WWC1: variants seen among roughly 807,000 people sequenced by gnomAD.
WWC1 encodes WW and C2 domain containing 1, also known as protein KIBRA.
In WWC1, 55 loss-of-function variants were observed where a neutral mutation model predicts 138.4. The observed-to-expected ratio is 0.40, with a 90% CI of 0.32 to 0.50. WWC1 has a LOEUF of 0.50. WWC1 is among the 20% of genes least tolerant of loss of function. The pLI, the probability that WWC1 is intolerant of heterozygous loss-of-function variation, is 0.72. For missense variants in WWC1, 1,226 were observed against 1,420.4 expected (o/e 0.86, Z 2.20); for synonymous variants, 524 against 564.9 (o/e 0.93, Z 1.03).
At chr5:168,310,409 T>C (rs1770965363) in intron 1 of WWC1, among the ~76,000 whole-genome samples, 1 of 151,246 alleles carries the variant, frequency 6.6e-6, no homozygotes, top group Non-Finnish European at 1.5e-5. Context: ...TGTGTGTATA[T>C]ATATATATAC....
At chr5:168,386,270 T>C (rs1778037608) in intron 3 of WWC1, among the ~76,000 whole-genome samples, 1 of 151,964 alleles carries the variant, frequency 6.6e-6, no homozygotes, top group African/African-American at 2.4e-5. Context: ...TCTGCTTGTA[T>C]GTTATCAGTA....
intron 1 of WWC1, among the ~76,000 whole-genome samples, chr5:168,310,404 GTA>G (rs372057282): frequency 1.6e-4 from 24 of 148,458 alleles, no homozygotes; most frequent in South Asian, 2.1e-4. Flanking sequence ...TTGTGTGTGT[GTA>G]TATATATATA....
intron 15 of WWC1, among the ~76,000 whole-genome samples, chr5:168,434,850 C>T (rs912038821): frequency 1.3e-5 from 2 of 152,196 alleles, no homozygotes; most frequent in South Asian, 2.1e-4. Context: ...CGGGCTCTCT[C>T]GAGCTAGCCT....
chr5:168,439,051 A>G (rs1211156036), intron 15 of WWC1, among the ~76,000 whole-genome samples: 1 of 152,088 alleles, frequency 6.6e-6, no homozygotes, highest in Non-Finnish European at 1.5e-5. Context: ...TTGTGCACAT[A>G]TGATCATGGT....
intron 15 of WWC1, among the ~76,000 whole-genome samples, chr5:168,437,763 T>C (rs1350577406): frequency 6.6e-6 from 1 of 152,210 alleles, no homozygotes; most frequent in Non-Finnish European, 1.5e-5. Flanking sequence ...TTAATAATAA[T>C]CTGCTGGAGG....
chr5:168,425,143 A>T (rs1781404188), intron 11 of WWC1, among the ~76,000 whole-genome samples: 1 of 152,212 alleles, frequency 6.6e-6, no homozygotes, highest in South Asian at 2.1e-4. Flanking sequence ...CACCCAGCCA[A>T]CAAGTGAGGA....
chr5:168,340,050 TTTC>T (rs1773916054), intron 1 of WWC1, among the ~76,000 whole-genome samples: 8 of 142,834 alleles, frequency 5.6e-5, no homozygotes, highest in African/African-American at 2.1e-4. Flanking sequence ...CTTTTCTTTC[TTTC>T]TTTCTTTTCT....
At chr5:168,294,374 A>G (rs1769334914) in intron 1 of WWC1, among the ~76,000 whole-genome samples, 1 of 152,190 alleles carries the variant, frequency 6.6e-6, no homozygotes, top group Non-Finnish European at 1.5e-5. Context: ...ATGGGAAACT[A>G]GTTATATCTA....
chr5:168,352,406 A>G (rs1053097167), intron 1 of WWC1, among the ~76,000 whole-genome samples: 1 of 151,922 alleles, frequency 6.6e-6, no homozygotes, highest in Admixed American at 6.6e-5. Flanking sequence ...CAAAGTATTG[A>G]TATTGTTGTT....
intron 1 of WWC1, among the ~76,000 whole-genome samples, chr5:168,343,368 C>G (rs1774203667): frequency 6.6e-6 from 1 of 152,064 alleles, no homozygotes; most frequent in Non-Finnish European, 1.5e-5. Flanking sequence ...AGTGATGACC[C>G]CATTTAATAG....
intron 8 of WWC1, among the ~76,000 whole-genome samples, chr5:168,411,420 ATAG>A: frequency 6.6e-6 from 1 of 152,320 alleles, no homozygotes; most frequent in African/African-American, 2.4e-5. Context: ...CTCTGTGTGA[ATAG>A]TAGAACTCTT....
chr5:168,367,615 G>A (rs1246177583), intron 1 of WWC1, among the ~76,000 whole-genome samples: 1 of 152,194 alleles, frequency 6.6e-6, no homozygotes, highest in Non-Finnish European at 1.5e-5. Flanking sequence ...CACTGCGCCT[G>A]GCCCAGTCTT....
chr5:168,431,483 TGG>T (rs765622810), intron 15 of WWC1, 39 bp downstream of exon 15: 1 of 1,544,682 alleles, frequency 6.5e-7, no homozygotes, highest in Admixed American at 1.8e-5. Flanking sequence ...GCTGGCTGGC[TGG>T]CTGGCTGGCT....
chr5:168,298,103 A>C (rs1177682925), intron 1 of WWC1, among the ~76,000 whole-genome samples: 2 of 151,838 alleles, frequency 1.3e-5, no homozygotes, highest in Non-Finnish European at 2.9e-5. Flanking sequence ...CGGTGGTGCA[A>C]TCTCAGCTCA....
intron 1 of WWC1, among the ~76,000 whole-genome samples, chr5:168,316,263 C>T (rs1341395121): frequency 6.6e-6 from 1 of 152,226 alleles, no homozygotes; most frequent in Non-Finnish European, 1.5e-5. Context: ...AGGCTGTCTT[C>T]ATCGCATCAG....
At chr5:168,351,095 C>T (rs1172019355) in intron 1 of WWC1, among the ~76,000 whole-genome samples, 2 of 150,438 alleles carry the variant, frequency 1.3e-5, no homozygotes, top group South Asian at 2.1e-4. Context: ...TGCAGTGAGC[C>T]GAGATCACGC....
chr5:168,406,093 G>A (rs1779765955), intron 5 of WWC1, 105 bp from the exon 6 acceptor site: 3 of 1,383,476 alleles, frequency 2.2e-6, no homozygotes, highest in Non-Finnish European at 3.0e-6. Context: ...ACAGAGGGAG[G>A]GGCCTTCTTA....
intron 15 of WWC1, among the ~76,000 whole-genome samples, chr5:168,434,537 G>C (rs1309252888): frequency 1.3e-5 from 2 of 152,144 alleles, no homozygotes; most frequent in Non-Finnish European, 2.9e-5. Context: ...GATGGCCCCA[G>C]GAAGATAAGG....
chr5:168,448,831 G>C (rs927806342), intron 17 of WWC1, among the ~76,000 whole-genome samples: 5 of 151,984 alleles, frequency 3.3e-5, no homozygotes, highest in African/African-American at 1.2e-4. Flanking sequence ...GTGTTAGCCA[G>C]GATGGTCTCG....
Sources: gnomAD v4.1 joint callset for allele counts (sites outside exome capture counted in the v4.1 genomes callset) on GRCh38, gnomAD v4.1.1 for gene constraint, MANE v1.5 for transcripts, NCBI Gene and HGNC (gene_info 2026-07-23, HGNC 2026-07-21) for gene names.